Variants in SHISA9 observed in about 807,000 individuals in gnomAD.
SHISA9 encodes the protein protein shisa-9.
SHISA9 carries 13 observed loss-of-function variants against 38.0 expected under a neutral mutation model. That is an observed-to-expected ratio of 0.34 (90% CI 0.22 to 0.54). The LOEUF (loss-of-function observed/expected upper bound fraction) is 0.54. SHISA9 is among the 20% of genes least tolerant of loss of function. The probability of loss-of-function intolerance (pLI) is 0.91; values close to 1 mark genes in which losing one functional copy is unlikely to be tolerated. For missense variants in SHISA9, 538 were observed against 575.8 expected, an observed-to-expected ratio of 0.93 and a Z score of 0.67; for synonymous variants, 275 against 242.0, an observed-to-expected ratio of 1.14 and a Z score of -1.27.
intron 2 of SHISA9, among the ~76,000 whole-genome samples, chr16:13,100,793 T>C (rs1244566676): frequency 2.0e-5 from 3 of 152,148 alleles, no homozygotes; most frequent in African/African-American, 7.2e-5. Context: ...CTGCAACCTC[T>C]GCCTCTCCGG....
At chr16:13,529,812 C>T in the SHISA9 span, among the ~76,000 whole-genome samples, 5 of 152,188 alleles carry the variant, frequency 3.3e-5, no homozygotes, top group Admixed American at 1.3e-4. Flanking sequence ...CAGGCAGTGC[C>T]GTTCCCTGGT....
At chr16:13,109,746 C>G (rs2073959803) in intron 2 of SHISA9, among the ~76,000 whole-genome samples, 1 of 152,160 alleles carries the variant, frequency 6.6e-6, no homozygotes, top group Admixed American at 6.5e-5. Flanking sequence ...CTGGACATTA[C>G]ATGTGAATGG....
the SHISA9 span, among the ~76,000 whole-genome samples, chr16:13,436,296 G>A: frequency 6.6e-6 from 1 of 152,202 alleles, no homozygotes; most frequent in Non-Finnish European, 1.5e-5. Flanking sequence ...GACTAAAAGT[G>A]GCCTCTGGCC....
chr16:12,937,705 C>T (rs1034860987), intron 2 of SHISA9, among the ~76,000 whole-genome samples: 1 of 152,172 alleles, frequency 6.6e-6, no homozygotes, highest in Non-Finnish European at 1.5e-5. Context: ...AGGGGACCCA[C>T]CCTGTGAGAT....
At chr16:13,442,221 A>G in the SHISA9 span, among the ~76,000 whole-genome samples, 1 of 152,256 alleles carries the variant, frequency 6.6e-6, no homozygotes, top group Admixed American at 6.5e-5. Context: ...AGGATGAGAA[A>G]CAAAATAAAT....
At position 13,062,101 on chromosome 16, in the gene SHISA9, A is replaced by G. The variant is rs116556781; in HGVS notation, c.692-141293A>G. Among the ~76,000 whole-genome samples, 1,352 of 152,278 alleles carry G rather than the reference A, an allele frequency of 8.9e-3. 25 individuals carry two copies. The highest frequency in any genetic ancestry group is 0.03 in the African/African-American group (1,254 of 41,556). Reference sequence around the variant, plus strand: ...CAGCTTGGGCTGCCAAATAAAATACAGGACCCCCAGATAAATTTGAATCTC... The same window carrying G: ...CAGCTTGGGCTGCCAAATAAAATACGGGACCCCCAGATAAATTTGAATCTC... On this transcript the variant is annotated intron_variant, in intron 2 of 4. Coordinates refer to ENST00000558583, the MANE Select transcript of SHISA9 (RefSeq NM_001145204.3).
intron 2 of SHISA9, among the ~76,000 whole-genome samples, chr16:13,098,587 G>C (rs1175437568): frequency 6.6e-6 from 1 of 152,194 alleles, no homozygotes; most frequent in African/African-American, 2.4e-5. Flanking sequence ...CAATAAGACA[G>C]GAAGGAGGCC....
At chr16:13,315,461 G>A in the SHISA9 span, among the ~76,000 whole-genome samples, 16 of 152,126 alleles carry the variant, frequency 1.1e-4, no homozygotes, top group East Asian at 1.9e-4. Context: ...TCATTACCTC[G>A]TTTAATCTTC....
chr16:13,094,985 C>T lies in SHISA9; in HGVS notation c.692-108409C>T, dbSNP rs189511866. On this transcript the variant is annotated intron_variant, in intron 2 of 4. Coordinates refer to ENST00000558583, the MANE Select transcript of SHISA9 (RefSeq NM_001145204.3). Reference sequence around the variant, plus strand: ...GTAGGTCCTCAGTAAATACATATTTCTTCCGTTTCCTCCTCTCCTTCCCTC... The same window carrying T: ...GTAGGTCCTCAGTAAATACATATTTTTTCCGTTTCCTCCTCTCCTTCCCTC... Among the ~76,000 whole-genome samples, 1,269 of 152,324 alleles carry T rather than the reference C, an allele frequency of 8.3e-3. 13 individuals carry two copies. The highest frequency in any genetic ancestry group is 9.9e-3 in the Non-Finnish European group (676 of 68,024).
the SHISA9 span, among the ~76,000 whole-genome samples, chr16:13,463,741 GA>G: frequency 6.6e-6 from 1 of 152,206 alleles, no homozygotes; most frequent in South Asian, 2.1e-4. Flanking sequence ...GGCTGCTCAG[GA>G]AATATCGAGC....
At chr16:13,170,202 CAAAAAAA>C (rs71147788) in intron 2 of SHISA9, among the ~76,000 whole-genome samples, 5 of 91,976 alleles carry the variant, frequency 5.4e-5, no homozygotes, top group African/African-American at 2.2e-4. Context: ...GACTCCATCT[CAAAAAAA>C]AAAAAAAAAA....
the SHISA9 span, among the ~76,000 whole-genome samples, chr16:13,399,838 C>T: frequency 4.6e-5 from 7 of 152,188 alleles, no homozygotes; most frequent in African/African-American, 1.7e-4. Context: ...CCAGGTGATG[C>T]AATTTTGCTG....
intron 2 of SHISA9, among the ~76,000 whole-genome samples, chr16:12,921,793 G>A (rs1348346660): frequency 6.6e-6 from 1 of 151,914 alleles, no homozygotes; most frequent in African/African-American, 2.4e-5. Flanking sequence ...AATTTTGAGG[G>A]AATTTCCTAG....
At chr16:13,298,489 C>T in the SHISA9 span, among the ~76,000 whole-genome samples, 1 of 152,142 alleles carries the variant, frequency 6.6e-6, no homozygotes. Flanking sequence ...TCACAATAAT[C>T]TTAAGAAGTA....
the SHISA9 span, among the ~76,000 whole-genome samples, chr16:13,452,224 G>A: frequency 6.6e-6 from 1 of 152,000 alleles, no homozygotes; most frequent in Non-Finnish European, 1.5e-5. Context: ...GGTGCACAGG[G>A]GTAATAAAGA....
intron 2 of SHISA9, among the ~76,000 whole-genome samples, chr16:12,970,926 A>G (rs2072072914): frequency 6.6e-6 from 1 of 152,154 alleles, no homozygotes; most frequent in African/African-American, 2.4e-5. Context: ...TGCCTCGAAC[A>G]GTGTCTGATA....
Position 13,012,126 on chromosome 16 carries a change from CT to C in SHISA9, c.691+95321del, listed in dbSNP as rs917232420. 1.3e-4 allele frequency among the ~76,000 whole-genome samples: 20 copies of C among 149,972 alleles called. No homozygotes were observed. In the East Asian group the frequency reaches 1.6e-3, roughly 12 times the overall value. On this transcript the variant is annotated intron_variant, in intron 2 of 4. Transcript: ENST00000558583. ...CAGGCATGAACCACTGTGCCCAGCC[CT>C]TTTTTTTTTCTTATTTTTTAAGGTT... is the stretch of plus-strand genomic sequence containing the variant.
At chr16:13,328,055 T>C in the SHISA9 span, among the ~76,000 whole-genome samples, 7 of 152,176 alleles carry the variant, frequency 4.6e-5, no homozygotes, top group Non-Finnish European at 1.0e-4. Flanking sequence ...AATCTGTTTT[T>C]GAAATGCATG....
the SHISA9 span, among the ~76,000 whole-genome samples, chr16:13,524,011 A>G: frequency 6.6e-6 from 1 of 152,152 alleles, no homozygotes. Flanking sequence ...TGCAGAATTT[A>G]CCTAGAGTCA....
Sources: allele counts gnomAD v4.1 joint callset (sites outside exome capture counted in the v4.1 genomes callset), GRCh38; gene constraint gnomAD v4.1.1; transcripts MANE v1.5; gene names NCBI Gene and HGNC (gene_info 2026-07-23, HGNC 2026-07-21).